The following LEKR1 variants were observed in gnomAD, a reference collection of about 807,000 sequenced individuals.
LEKR1 encodes protein LEKR1.
LEKR1 carries 59 observed loss-of-function variants against 72.4 expected under a neutral mutation model. The ratio of observed to expected loss-of-function variants is 0.82; its 90% CI spans 0.66 to 1.01. The LOEUF is 1.01. LEKR1 is among the 50% of genes least tolerant of loss of function. LEKR1 has a pLI of 0.00. For missense variants in LEKR1, 728 were observed against 759.2 expected, an observed-to-expected ratio of 0.96 and a Z score of 0.48; for synonymous variants, 257 against 263.2, an observed-to-expected ratio of 0.98 and a Z score of 0.23.
chr3:157,045,456 A>G lies in LEKR1; in HGVS notation c.1785A>G (p.Leu595=), dbSNP rs1735681836. 1 of 1,614,098 alleles carries G rather than the reference A, an allele frequency of 6.2e-7. No homozygotes were observed. Among genetic ancestry groups the G allele is most frequent in the African/African-American group, 1.3e-5 (1 of 75,038 alleles). ...AGCTCAGTAAGCTTCGTGGAAGTTTACCATTCTCACCGTGTTCCCTCAGCA... is the reference window on the plus strand; with the variant it reads ...AGCTCAGTAAGCTTCGTGGAAGTTTGCCATTCTCACCGTGTTCCCTCAGCA... ...LLELSKLRGS[L]PFSPCSLSKG... Residue 595 remains leucine (L), a synonymous_variant, in exon 13 of 13, where the codon TTA becomes TTG. Coordinates refer to ENST00000356539, the MANE Select transcript of LEKR1 (RefSeq NM_001004316.3).
chr3:156,832,229 A>G (rs1576624854), intron 2 of LEKR1, among the ~76,000 whole-genome samples: 2 of 79,812 alleles, frequency 2.5e-5, no homozygotes, highest in African/African-American at 1.5e-4. Context: ...ACATAAGGAG[A>G]GAAAGTCCTC....
intron 3 of LEKR1, among the ~76,000 whole-genome samples, chr3:156,910,851 C>G (rs1723042806): frequency 6.6e-6 from 1 of 152,022 alleles, no homozygotes; most frequent in African/African-American, 2.4e-5. Context: ...GGGTATATAC[C>G]CACTAATGTG....
intron 12 of LEKR1, among the ~76,000 whole-genome samples, chr3:157,033,705 A>G (rs1600976): frequency 0.76 from 115,871 of 152,128 alleles, 44,355 homozygotes; most frequent in East Asian, 0.93. Context: ...TTTATGAGGT[A>G]GCTACATTAA....
chr3:156,978,329 A>G (rs1729885820), intron 6 of LEKR1, among the ~76,000 whole-genome samples: 1 of 150,816 alleles, frequency 6.6e-6, no homozygotes, highest in East Asian at 1.9e-4. Context: ...CTATTAAAAT[A>G]TGTCACTGAA....
At chr3:156,869,019 G>A (rs1175800520) in intron 3 of LEKR1, among the ~76,000 whole-genome samples, 3 of 151,924 alleles carry the variant, frequency 2.0e-5, no homozygotes, top group Non-Finnish European at 2.9e-5. Flanking sequence ...GCTGCAAATG[G>A]CATGATTTCA....
At chr3:156,936,343 C>A (rs1199884482) in intron 5 of LEKR1, among the ~76,000 whole-genome samples, 1 of 151,686 alleles carries the variant, frequency 6.6e-6, no homozygotes, top group Non-Finnish European at 1.5e-5. Context: ...AAGAGCAGGT[C>A]TCTAGAGTCA....
intron 12 of LEKR1, among the ~76,000 whole-genome samples, chr3:157,031,380 A>G (rs10936054): frequency 0.52 from 78,299 of 151,976 alleles, 22,920 homozygotes; most frequent in South Asian, 0.79. Context: ...AATTAAGGGT[A>G]TACTTAGGGG....
chr3:156,836,667 G>C (rs1576632436), intron 2 of LEKR1, among the ~76,000 whole-genome samples: 1 of 152,128 alleles, frequency 6.6e-6, no homozygotes, highest in Admixed American at 6.5e-5. Flanking sequence ...ATGACTTATC[G>C]ATGGATGCAT....
chr3:156,978,327 AT>A lies in LEKR1; in HGVS notation c.746-866del, dbSNP rs531791615. On this transcript the variant is annotated intron_variant, in intron 6 of 12. Transcript: ENST00000356539. ...AAAGATTTTAAAGTTTACTATTAAAATATGTCACTGAAACACCTGAACAGAT... is the reference window on the plus strand; with the variant it reads ...AAAGATTTTAAAGTTTACTATTAAAAATGTCACTGAAACACCTGAACAGAT... 5.1e-3 allele frequency among the ~76,000 whole-genome samples: 775 copies of A among 152,356 alleles called. 8 individuals are homozygous for A. The highest frequency in any genetic ancestry group is 0.018 in the African/African-American group (748 of 41,584).
intron 4 of LEKR1, among the ~76,000 whole-genome samples, chr3:156,927,011 C>T (rs1371551238): frequency 6.6e-6 from 1 of 151,816 alleles, no homozygotes; most frequent in African/African-American, 2.4e-5. Flanking sequence ...ATTATTACCC[C>T]AGATTTTTCA....
intron 3 of LEKR1, among the ~76,000 whole-genome samples, chr3:156,861,388 A>G (rs189868299): frequency 6.6e-6 from 1 of 152,298 alleles, no homozygotes; most frequent in East Asian, 1.9e-4. Flanking sequence ...TTAATTTTGA[A>G]TAATCAAGAT....
intron 6 of LEKR1, among the ~76,000 whole-genome samples, chr3:156,957,623 A>G (rs983042623): frequency 5.9e-5 from 9 of 151,970 alleles, no homozygotes; most frequent in Non-Finnish European, 1.5e-5. Flanking sequence ...AGTCCAGTCT[A>G]TATCCAAAGC....
intron 9 of LEKR1, among the ~76,000 whole-genome samples, chr3:157,010,868 T>G (rs1283194834): frequency 6.6e-6 from 1 of 152,116 alleles, no homozygotes; most frequent in Non-Finnish European, 1.5e-5. Context: ...TTTTATGCTA[T>G]ATTGCATCCC....
Position 157,028,418 on chromosome 3 carries a change from T to C in LEKR1, c.1668+16T>C. ...CCAGGAAGAGGTAGGAAGCAGATAG[T>C]GGTAACTTTGCAATTAATCAAAGAG... On this transcript the variant is annotated intron_variant, in intron 12 of 12. Transcript: ENST00000356539. The C allele has an allele frequency of 1.9e-6, 3 of 1,552,840 alleles. No homozygotes were observed. Among genetic ancestry groups the C allele is most frequent in the Non-Finnish European group, 2.6e-6 (3 of 1,152,182 alleles).
intron 3 of LEKR1, among the ~76,000 whole-genome samples, chr3:156,879,708 C>T (rs1271610102): frequency 6.6e-6 from 1 of 152,144 alleles, no homozygotes; most frequent in Non-Finnish European, 1.5e-5. Flanking sequence ...TTTTGTGTGC[C>T]AGGCTCAGGG....
At chr3:157,033,333 T>C (rs1734751155) in intron 12 of LEKR1, among the ~76,000 whole-genome samples, 1 of 152,152 alleles carries the variant, frequency 6.6e-6, no homozygotes, top group African/African-American at 2.4e-5. Flanking sequence ...AGCCAAGTTG[T>C]GAATGCAAAG....
At chr3:156,865,879 T>C (rs1473888349) in intron 3 of LEKR1, among the ~76,000 whole-genome samples, 3 of 152,038 alleles carry the variant, frequency 2.0e-5, no homozygotes, top group Admixed American at 1.3e-4. Flanking sequence ...TATATACCTC[T>C]TTTTTCAGGG....
intron 2 of LEKR1, among the ~76,000 whole-genome samples, chr3:156,829,982 A>C (rs11707914): frequency 0.51 from 77,543 of 152,026 alleles, 21,404 homozygotes; most frequent in East Asian, 0.72. Context: ...ATTTACTACC[A>C]TAAAATATGC....
Position 156,968,193 on chromosome 3 carries a change from G to A in LEKR1, c.746-11001G>A, listed in dbSNP as rs4622859. ...AACATGACAAATTGTAAAGACCATCGAGGCTAGGAAGAAACTGCATCAACT... is the reference window on the plus strand; with the variant it reads ...AACATGACAAATTGTAAAGACCATCAAGGCTAGGAAGAAACTGCATCAACT... On this transcript the variant is annotated intron_variant, in intron 6 of 12. Coordinates refer to ENST00000356539, the MANE Select transcript of LEKR1 (RefSeq NM_001004316.3). Among the ~76,000 whole-genome samples, 6 of 152,262 alleles carry A rather than the reference G, an allele frequency of 3.9e-5. No individual in the cohort carries two copies. In the South Asian group the frequency reaches 1.0e-3, roughly 26 times the overall value.
Sources: allele counts gnomAD v4.1 joint callset (sites outside exome capture counted in the v4.1 genomes callset), GRCh38; gene constraint gnomAD v4.1.1; transcripts MANE v1.5; gene names NCBI Gene and HGNC (gene_info 2026-07-23, HGNC 2026-07-21).